The following TNIK variants were observed in gnomAD, a reference collection of about 807,000 sequenced individuals.
The protein encoded by TNIK is TRAF2 and NCK interacting kinase, also known as TRAF2 and NCK-interacting protein kinase.
A neutral mutation model predicts 191.3 loss-of-function variants in TNIK; 49 were observed. The observed-to-expected ratio is 0.26, with a 90% confidence interval of 0.20 to 0.32. TNIK has a LOEUF of 0.32. TNIK is among the 10% of genes least tolerant of loss of function. The pLI is 1.00. For synonymous variants in TNIK, 594 were observed against 600.9 expected (o/e 0.99, Z 0.17); for missense variants, 1,155 against 1,702.3 (o/e 0.68, Z 5.66).
chr3:171,411,470 C>T (rs891376243), intron 1 of TNIK, among the ~76,000 whole-genome samples: 1 of 151,692 alleles, frequency 6.6e-6, no homozygotes, highest in Non-Finnish European at 1.5e-5. Context: ...AAATTTATTG[C>T]ATGTATTTTA....
At chr3:171,155,024 C>G (rs1046632394) in intron 12 of TNIK, among the ~76,000 whole-genome samples, 1 of 152,206 alleles carries the variant, frequency 6.6e-6, no homozygotes, top group Non-Finnish European at 1.5e-5. Context: ...TAGAAACCCT[C>G]TGGTGGGAGG....
intron 15 of TNIK, among the ~76,000 whole-genome samples, chr3:171,137,179 T>C (rs1392901139): frequency 6.9e-6 from 1 of 145,158 alleles, no homozygotes; most frequent in Non-Finnish European, 1.5e-5. Flanking sequence ...AGGACAACAT[T>C]ATGTCAAGTA....
chr3:171,456,344 A>G (rs750586712), intron 1 of TNIK, among the ~76,000 whole-genome samples: 1 of 152,236 alleles, frequency 6.6e-6, no homozygotes, highest in Non-Finnish European at 1.5e-5. Flanking sequence ...AGAATGACTC[A>G]AGCCCCAGGT....
intron 1 of TNIK, among the ~76,000 whole-genome samples, chr3:171,378,135 C>T (rs1264492454): frequency 6.6e-6 from 1 of 152,164 alleles, no homozygotes; most frequent in Non-Finnish European, 1.5e-5. Flanking sequence ...CCAGAAGCCC[C>T]AGAGAGGGAG....
Position 171,061,653 on chromosome 3 carries a change from A to G in TNIK, c.*2228T>C, listed in dbSNP as rs1717844429. ...GATCAGTTTGCAACATAATTTAAAGAAGCTTCTGGTTTAAAATACCACAGC... is the reference window on the plus strand; with the variant it reads ...GATCAGTTTGCAACATAATTTAAAGGAGCTTCTGGTTTAAAATACCACAGC... On this transcript the variant is annotated 3_prime_UTR_variant, in exon 33 of 33. Coordinates refer to ENST00000436636, the MANE Select transcript of TNIK (RefSeq NM_015028.4). 1 of 152,230 alleles carries G rather than the reference A, an allele frequency of 6.6e-6. No individual in the cohort carries two copies. Among genetic ancestry groups the G allele is most frequent in the Admixed American group, 6.5e-5 (1 of 15,286 alleles). 9.4% of individuals were successfully genotyped at this position (152,230 alleles called of 1,614,324 possible). A position where few individuals can be genotyped will look rare whatever the true frequency, so the allele number is the denominator to read the frequency against.
At chr3:171,383,849 A>G (rs934384764) in intron 1 of TNIK, among the ~76,000 whole-genome samples, 3 of 152,232 alleles carry the variant, frequency 2.0e-5, no homozygotes, top group East Asian at 1.9e-4. Context: ...CATTCAATCA[A>G]CCAGTGCACA....
intron 2 of TNIK, among the ~76,000 whole-genome samples, chr3:171,344,749 C>T (rs1388989131): frequency 6.6e-6 from 1 of 151,902 alleles, no homozygotes; most frequent in African/African-American, 2.4e-5. Flanking sequence ...TAACTGACTC[C>T]TCCTGCTTGA....
intron 4 of TNIK, among the ~76,000 whole-genome samples, chr3:171,206,335 G>GTATATATATATATATATA (rs60356829): frequency 0.034 from 4,535 of 132,442 alleles, 164 homozygotes; most frequent in Middle Eastern, 0.071. Flanking sequence ...ATATGTTCGT[G>GTATATATATATATATATA]TATATATATA....
chr3:171,391,655 T>C (rs1488631380), intron 1 of TNIK, among the ~76,000 whole-genome samples: 5 of 152,238 alleles, frequency 3.3e-5, no homozygotes, highest in African/African-American at 1.2e-4. Context: ...AGATGGTATA[T>C]ATAAGCCCCC....
chr3:171,215,041 T>A (rs897735427), intron 3 of TNIK, among the ~76,000 whole-genome samples: 1 of 152,132 alleles, frequency 6.6e-6, no homozygotes, highest in African/African-American at 2.4e-5. Flanking sequence ...CTTAGCCACA[T>A]GTCTTGCTTT....
intron 10 of TNIK, among the ~76,000 whole-genome samples, chr3:171,166,023 G>A (rs552383954): frequency 1.3e-5 from 2 of 152,310 alleles, no homozygotes; most frequent in African/African-American, 2.4e-5. Context: ...CCTTTAGAAA[G>A]GTACTGTTTC....
chr3:171,123,447 A>C, intron 18 of TNIK, 149 bp downstream of exon 18: 1 of 448,574 alleles, frequency 2.2e-6, no homozygotes, highest in Non-Finnish European at 3.8e-6. Flanking sequence ...AATAAAAGGC[A>C]TGTGTTCTGG....
chr3:171,430,981 A>G (rs1725302075), intron 1 of TNIK, among the ~76,000 whole-genome samples: 2 of 152,188 alleles, frequency 1.3e-5, no homozygotes, highest in Admixed American at 1.3e-4. Context: ...AGCCACACCA[A>G]GCTGAACCAG....
intron 2 of TNIK, among the ~76,000 whole-genome samples, chr3:171,265,849 TA>T (rs1466966432): frequency 4.9e-5 from 7 of 143,686 alleles, no homozygotes; most frequent in Non-Finnish European, 9.4e-5. Context: ...AAATAAGCAT[TA>T]TTTTTTTTTC....
chr3:171,215,341 A>T (rs1024052731), intron 3 of TNIK, among the ~76,000 whole-genome samples: 1 of 152,210 alleles, frequency 6.6e-6, no homozygotes, highest in African/African-American at 2.4e-5. Context: ...ACCTCATGTA[A>T]TGTTTACTGT....
chr3:171,274,353 ACTCT>A (rs559480005), intron 2 of TNIK, among the ~76,000 whole-genome samples: 25 of 152,058 alleles, frequency 1.6e-4, no homozygotes, highest in Non-Finnish European at 3.1e-4. Flanking sequence ...AAACTGAGCC[ACTCT>A]CTCTCAGGTT....
At chr3:171,378,274 A>T (rs1717542428) in intron 1 of TNIK, among the ~76,000 whole-genome samples, 1 of 152,222 alleles carries the variant, frequency 6.6e-6, no homozygotes, top group Admixed American at 6.5e-5. Flanking sequence ...ATAGCATAAT[A>T]GTGAAAACCA....
chr3:171,418,806 G>T (rs1182961360), intron 1 of TNIK, among the ~76,000 whole-genome samples: 1 of 152,130 alleles, frequency 6.6e-6, no homozygotes, highest in Non-Finnish European at 1.5e-5. Flanking sequence ...CTAATACCTG[G>T]TAGGTATTAG....
At chr3:171,238,965 A>G (rs1386937719) in intron 2 of TNIK, among the ~76,000 whole-genome samples, 2 of 152,254 alleles carry the variant, frequency 1.3e-5, no homozygotes, top group Admixed American at 1.3e-4. Flanking sequence ...TGAGTGGCCA[A>G]TTCTAAGACT....
Sources: allele counts gnomAD v4.1 joint callset (sites outside exome capture counted in the v4.1 genomes callset), GRCh38; gene constraint gnomAD v4.1.1; transcripts MANE v1.5; gene names NCBI Gene and HGNC (gene_info 2026-07-23, HGNC 2026-07-21).